Variants in FAT3 observed in about 807,000 individuals in gnomAD.
The protein encoded by FAT3 is protocadherin Fat 3.
In FAT3, 95 loss-of-function variants were observed where a neutral mutation model predicts 310.2. That is an observed-to-expected ratio of 0.31 (90% CI 0.26 to 0.36). The LOEUF (loss-of-function observed/expected upper bound fraction) is 0.36. FAT3 is among the 10% of genes least tolerant of loss of function. The probability of loss-of-function intolerance (pLI) is 1.00; values close to 1 mark genes in which losing one functional copy is unlikely to be tolerated. For synonymous variants in FAT3, 2,314 were observed against 2,192.9 expected, an observed-to-expected ratio of 1.06 and a Z score of -1.54; for missense variants, 5,408 against 5,715.6, an observed-to-expected ratio of 0.95 and a Z score of 1.74.
Position 92,799,226 on chromosome 11 carries a change from G to T in FAT3, c.6213G>T (p.Arg2071Ser), listed in dbSNP as rs1235455779. The T allele has an allele frequency of 6.2e-7, 1 of 1,613,876 alleles. No homozygotes were observed. Among genetic ancestry groups the T allele is most frequent in the South Asian group, 1.1e-5 (1 of 91,076 alleles). The stretch of plus-strand genomic sequence containing the variant: ...TGCGTGTGGCCAGAGTGGTGGTCAG[G>T]GTTAACATTGAAGACATAAATGACA... ...DHLRVARVVV[R>S]VNIEDINDNS... is the part of the protein sequence containing the mutation. Residue 2071 changes from arginine to serine, a missense_variant, in exon 10 of 28, where the codon AGG (arginine) becomes AGT (serine). Arg to Ser is a moderately radical substitution (Grantham distance 110). Around this residue, in one of 5 missense-constraint regions of FAT3, gnomAD observed 4,588 missense variants for 4,809.8 expected, o/e 0.95. Transcript: ENST00000525166.
At chr11:92,873,630 C>T (rs941755326) in intron 22 of FAT3, among the ~76,000 whole-genome samples, 1 of 152,180 alleles carries the variant, frequency 6.6e-6, no homozygotes, top group Non-Finnish European at 1.5e-5. Flanking sequence ...ATTGCTTATA[C>T]CATTTCCATT....
intron 2 of FAT3, among the ~76,000 whole-genome samples, chr11:92,404,269 A>C (rs2134882199): frequency 6.6e-6 from 1 of 152,260 alleles, no homozygotes; most frequent in Admixed American, 6.5e-5. Flanking sequence ...ACTTCTAGAA[A>C]GACAGATGTG....
chr11:92,516,491 AAAT>A (rs2135330762), intron 2 of FAT3, among the ~76,000 whole-genome samples: 1 of 152,280 alleles, frequency 6.6e-6, no homozygotes, highest in African/African-American at 2.4e-5. Context: ...ACATATCTCA[AAAT>A]AATAAGAGCT....
rs58474174 is a variant in FAT3 at position 92,882,840 on chromosome 11, C to T, written c.12384C>T (p.Tyr4128=). The change falls in exon 24 of 28, where the codon TAC becomes TAT. Residue 4128 remains tyrosine (Y), a synonymous_variant. Transcript: ENST00000525166. ...TCCTCTGCAACTGCACGCCGGGCTA[C>T]GTGGGCCAGTACTGCGGGCTGCGCC... ...GSFLCNCTPG[Y]VGQYCGLRPV... is the part of the protein sequence containing the mutation. 9,018 of 1,611,728 alleles carry T rather than the reference C, an allele frequency of 5.6e-3. 474 individuals are homozygous for T. The African/African-American group carries it at 0.11, about 19-fold the overall frequency.
intron 25 of FAT3, among the ~76,000 whole-genome samples, chr11:92,888,265 A>C (rs796312084): frequency 1.3e-4 from 20 of 152,296 alleles, no homozygotes; most frequent in Admixed American, 5.2e-4. Flanking sequence ...GGTCAAAGAC[A>C]CACTCCCAGA....
chr11:92,368,021 T>A (rs1949072878), intron 2 of FAT3, among the ~76,000 whole-genome samples: 1 of 152,194 alleles, frequency 6.6e-6, no homozygotes, highest in African/African-American at 2.4e-5. Context: ...TCACAGCAAC[T>A]TAAAAGTTTG....
chr11:92,351,421 A>G (rs1397962640), intron 1 of FAT3, among the ~76,000 whole-genome samples: 1 of 152,210 alleles, frequency 6.6e-6, no homozygotes, highest in Non-Finnish European at 1.5e-5. Flanking sequence ...ATATGCCACC[A>G]AATCCCAAAA....
intron 2 of FAT3, among the ~76,000 whole-genome samples, chr11:92,435,872 G>T (rs529943905): frequency 2.6e-5 from 4 of 151,542 alleles, no homozygotes; most frequent in Non-Finnish European, 1.5e-5. Flanking sequence ...CAGCCTCTTC[G>T]CATTTTCATT....
At chr11:92,563,807 A>T (rs1434858149) in intron 3 of FAT3, among the ~76,000 whole-genome samples, 1 of 152,164 alleles carries the variant, frequency 6.6e-6, no homozygotes, top group East Asian at 1.9e-4. Context: ...AATGAAGGAG[A>T]AATAAAATAC....
chr11:92,484,428 T>C (rs1030837080), intron 2 of FAT3, among the ~76,000 whole-genome samples: 1 of 152,158 alleles, frequency 6.6e-6, no homozygotes, highest in African/African-American at 2.4e-5. Context: ...AGAATGTCAT[T>C]GATAAGAGTG....
In FAT3 at chr11:92,355,289, A is replaced by G. The variant is rs775561661; in HGVS notation, c.3177A>G (p.Gly1059=). 3.1e-6 allele frequency: 5 copies of G among 1,613,844 alleles called. No homozygotes were observed. In the East Asian group the frequency reaches 1.1e-4, roughly 36 times the overall value. The change falls in exon 2 of 28, where the codon GGA becomes GGG. Residue 1059 remains glycine, a synonymous_variant. Coordinates refer to ENST00000525166, the MANE Select transcript of FAT3 (RefSeq NM_001367949.2). ...CTGTAAAGGAAAACTCACGCATTGG[A>G]ACAAGCGTGCTGCAGGTGACTGCTC... is the stretch of plus-strand genomic sequence containing the variant. The part of the protein sequence containing the change: ...VGSVKENSRI[G]TSVLQVTARD...
chr11:92,783,357 CAAAAAAAAAAA>C (rs35357267), intron 7 of FAT3, among the ~76,000 whole-genome samples: 1 of 45,072 alleles, frequency 2.2e-5, no homozygotes, highest in South Asian at 1.2e-3. Context: ...GACTCCATCT[CAAAAAAAAAAA>C]AAAAAAAAAA....
chr11:92,331,675 C>T (rs1473936586), intron 1 of FAT3, among the ~76,000 whole-genome samples: 3 of 152,154 alleles, frequency 2.0e-5, no homozygotes, highest in Non-Finnish European at 4.4e-5. Context: ...AATGTCCTAA[C>T]ACAATGTAGT....
At chr11:92,438,674 TG>T (rs970788573) in intron 2 of FAT3, among the ~76,000 whole-genome samples, 1 of 152,220 alleles carries the variant, frequency 6.6e-6, no homozygotes, top group African/African-American at 2.4e-5. Flanking sequence ...ATATTATTGC[TG>T]TGATGTGGGA....
intron 3 of FAT3, among the ~76,000 whole-genome samples, chr11:92,603,783 G>A (rs1242075514): frequency 6.6e-6 from 1 of 152,192 alleles, no homozygotes; most frequent in Non-Finnish European, 1.5e-5. Flanking sequence ...TGGAAATATA[G>A]TACCAAAAAC....
At position 92,345,727 on chromosome 11, in the gene FAT3, G is replaced by A. The variant is rs377203265; in HGVS notation, c.-17-6369G>A. On this transcript the variant is annotated intron_variant, in intron 1 of 27. Transcript: ENST00000525166. The stretch of plus-strand genomic sequence containing the variant: ...TGTAGGTGCAGATGGGTAGAGACCT[G>A]CATTCCTAAAGGAGGCAAGAGCTGT... 9.8e-5 allele frequency among the ~76,000 whole-genome samples: 15 copies of A among 152,304 alleles called. No individual in the cohort carries two copies. The East Asian group carries it at 2.5e-3, about 26-fold the overall frequency.
intron 1 of FAT3, among the ~76,000 whole-genome samples, chr11:92,318,727 CT>C (rs1376716684): frequency 6.6e-6 from 1 of 152,212 alleles, no homozygotes; most frequent in African/African-American, 2.4e-5. Flanking sequence ...ATCCAGAGGT[CT>C]TTCCTGAATT....
At chr11:92,555,617 A>G (rs572774366) in intron 3 of FAT3, among the ~76,000 whole-genome samples, 1 of 152,268 alleles carries the variant, frequency 6.6e-6, no homozygotes, top group South Asian at 2.1e-4. Context: ...TTGCTCTCTT[A>G]TCACTGCCCC....
chr11:92,227,806 A>G (rs1199340984), intron 1 of FAT3, among the ~76,000 whole-genome samples: 1 of 149,218 alleles, frequency 6.7e-6, no homozygotes, highest in Non-Finnish European at 1.5e-5. Flanking sequence ...GTGAGAGAAT[A>G]AGGAACAGCC....
Sources: allele counts gnomAD v4.1 joint callset (sites outside exome capture counted in the v4.1 genomes callset), GRCh38; gene constraint gnomAD v4.1.1; regional missense constraint gnomAD v4.1.1; transcripts MANE v1.5; gene names NCBI Gene and HGNC (gene_info 2026-07-23, HGNC 2026-07-21).